CYP2J2: variants seen among roughly 807,000 people sequenced by gnomAD.
CYP2J2 encodes the protein cytochrome P450 family 2 subfamily J member 2.
In CYP2J2, 41 loss-of-function variants were observed where a neutral mutation model predicts 48.8. The ratio of observed to expected loss-of-function variants is 0.84; its 90% confidence interval spans 0.66 to 1.09. CYP2J2 has a LOEUF of 1.09. CYP2J2 is among the 50% of genes least tolerant of loss of function. The pLI, the probability that CYP2J2 is intolerant of heterozygous loss-of-function variation, is 0.00. For missense variants in CYP2J2, 644 were observed against 617.3 expected (o/e 1.04, Z -0.46); for synonymous variants, 221 against 227.1 (o/e 0.97, Z 0.24).
chr1:59,905,966 C>G (rs917271427), intron 6 of CYP2J2, among the ~76,000 whole-genome samples: 1 of 152,196 alleles, frequency 6.6e-6, no homozygotes, highest in African/African-American at 2.4e-5. Flanking sequence ...GCAGGCGGAT[C>G]ACGAGGTCAG....
At chr1:59,969,207 C>CA in the CYP2J2 span, among the ~76,000 whole-genome samples, 1 of 152,144 alleles carries the variant, frequency 6.6e-6, no homozygotes, top group Non-Finnish European at 1.5e-5. Flanking sequence ...GGGATCCGAG[C>CA]GGGTTGCCAC....
rs571512576 is a variant in CYP2J2, at chr1:59,902,661, C to T, written c.1192-1558G>A. 5.9e-5 allele frequency among the ~76,000 whole-genome samples: 9 copies of T among 152,188 alleles called. 1 individual carries two copies. In the South Asian group the frequency reaches 8.3e-4, roughly 14 times the overall value. On this transcript the variant is annotated intron_variant, in intron 7 of 8. Coordinates refer to ENST00000371204, the MANE Select transcript of CYP2J2 (RefSeq NM_000775.4). ...AACTCCTGACCTCAGGTGATCCACCCGCCTCAGCCTCCCAAAGTGCTGAGA... is the reference window on the plus strand; with the variant it reads ...AACTCCTGACCTCAGGTGATCCACCTGCCTCAGCCTCCCAAAGTGCTGAGA...
chr1:59,916,240 TGTGTGA>T, intron 1 of CYP2J2, 140 bp from the exon 2 acceptor site: 1 of 622,072 alleles, frequency 1.6e-6, no homozygotes, highest in Non-Finnish European at 2.7e-6. Flanking sequence ...TGTGTGTGTG[TGTGTGA>T]GTGAGTGTAC....
the CYP2J2 span, among the ~76,000 whole-genome samples, chr1:59,939,043 T>A: frequency 1.3e-5 from 2 of 152,174 alleles, no homozygotes; most frequent in African/African-American, 4.8e-5. Context: ...GGAGCAAAGT[T>A]ACAGATTAAC....
intron 4 of CYP2J2, among the ~76,000 whole-genome samples, chr1:59,910,761 C>T (rs149747105): frequency 1.1e-4 from 16 of 152,260 alleles, no homozygotes; most frequent in African/African-American, 3.9e-4. Flanking sequence ...CTTCTCCCCC[C>T]TCCCCCCAGC....
chr1:59,926,587 CAAGG>C lies in CYP2J2; in HGVS notation c.156_159del (p.Phe52LeufsTer20). 6.2e-7 allele frequency: 1 copy of C among 1,614,196 alleles called. No homozygotes were observed. Among genetic ancestry groups the C allele is most frequent in the Non-Finnish European group, 8.5e-7 (1 of 1,180,030 alleles). ...TCGAAGTCCACAAGGAAGAAGTTGC[CAAGG>C]AAGGGCAGGCGCCAGGGCCCCGGCG... On this transcript the variant is annotated frameshift_variant, in exon 1 of 9. Coordinates refer to ENST00000371204, the MANE Select transcript of CYP2J2 (RefSeq NM_000775.4). LOFTEE classifies it high-confidence loss of function.
intron 6 of CYP2J2, among the ~76,000 whole-genome samples, chr1:59,905,856 C>T (rs1030026344): frequency 6.6e-6 from 1 of 152,194 alleles, no homozygotes; most frequent in African/African-American, 2.4e-5. Flanking sequence ...TCTCTTTTCT[C>T]TTTCTCTAGA....
At chr1:59,926,504 C>G in intron 1 of CYP2J2, 33 bp downstream of exon 1, 2 of 1,577,742 alleles carry the variant, frequency 1.3e-6, no homozygotes, top group South Asian at 2.2e-5. Context: ...GAGTTAGGGT[C>G]AGGACACGCT....
At chr1:59,957,071 C>G in the CYP2J2 span, among the ~76,000 whole-genome samples, 1 of 152,210 alleles carries the variant, frequency 6.6e-6, no homozygotes, top group Non-Finnish European at 1.5e-5. Context: ...CAGAGCCCCC[C>G]ACTTGGGTGC....
chr1:59,898,319 C>T (rs546598698), intron 8 of CYP2J2, among the ~76,000 whole-genome samples: 1 of 152,190 alleles, frequency 6.6e-6, no homozygotes, highest in African/African-American at 2.4e-5. Flanking sequence ...CTCTTTTGAC[C>T]TTATCACCAC....
chr1:59,938,673 C>T, the CYP2J2 span, among the ~76,000 whole-genome samples: 4 of 152,288 alleles, frequency 2.6e-5, no homozygotes, highest in South Asian at 8.3e-4. Flanking sequence ...AAGAGACCTT[C>T]CTCTATCTCA....
At chr1:59,930,378 A>G (rs1644597351), upstream of CYP2J2, among the ~76,000 whole-genome samples, 2 of 152,134 alleles carry the variant, frequency 1.3e-5, no homozygotes, top group South Asian at 4.1e-4. Context: ...AGCTGTGCCC[A>G]AGATTTTCAA....
the CYP2J2 span, among the ~76,000 whole-genome samples, chr1:59,951,739 A>G: frequency 1.6e-4 from 25 of 152,266 alleles, no homozygotes; most frequent in African/African-American, 6.0e-4. Context: ...CATCCTTATT[A>G]GTCACCAAGG....
Position 59,926,591 on chromosome 1 carries a change from G to A in CYP2J2, c.156C>T (p.Phe52=), listed in dbSNP as rs11572192. 7.8e-5 allele frequency: 126 copies of A among 1,614,212 alleles called. No individual in the cohort carries two copies. The African/African-American group carries it at 1.5e-3, about 20-fold the overall frequency. ...NYPPGPWRLP[F]LGNFFLVDFE... is the part of the protein sequence containing the mutation. ...AGTCCACAAGGAAGAAGTTGCCAAG[G>A]AAGGGCAGGCGCCAGGGCCCCGGCG... The change falls in exon 1 of 9, where the codon TTC becomes TTT. Residue 52 remains phenylalanine (F), a synonymous_variant. Coordinates refer to ENST00000371204, the MANE Select transcript of CYP2J2 (RefSeq NM_000775.4).
chr1:59,938,210 G>A, the CYP2J2 span, among the ~76,000 whole-genome samples: 4 of 152,256 alleles, frequency 2.6e-5, no homozygotes, highest in Admixed American at 6.5e-5. Flanking sequence ...CAGGTGGGAC[G>A]AGAGACTGAT....
At chr1:59,921,383 C>G (rs11572217) in intron 1 of CYP2J2, among the ~76,000 whole-genome samples, 40,609 of 151,952 alleles carry the variant, frequency 0.27, 5,908 homozygotes, top group African/African-American at 0.39. Context: ...CCAACAGTGC[C>G]TGATGTGCTT....
chr1:59,968,676 G>A, the CYP2J2 span, among the ~76,000 whole-genome samples: 1 of 152,240 alleles, frequency 6.6e-6, no homozygotes, highest in African/African-American at 2.4e-5. Context: ...GCTGTGGGAG[G>A]GGTGGACATG....
chr1:59,964,981 T>A, the CYP2J2 span, among the ~76,000 whole-genome samples: 8 of 152,286 alleles, frequency 5.3e-5, no homozygotes, highest in Admixed American at 5.2e-4. Flanking sequence ...CAGAATGACA[T>A]ATGAAAGATC....
intron 1 of CYP2J2, among the ~76,000 whole-genome samples, chr1:59,919,035 C>T (rs936752827): frequency 9.2e-5 from 14 of 152,018 alleles, no homozygotes; most frequent in Non-Finnish European, 1.3e-4. Context: ...AGAACAAAGA[C>T]ATGAAAAGAG....
Sources: allele counts gnomAD v4.1 joint callset (sites outside exome capture counted in the v4.1 genomes callset), GRCh38; gene constraint gnomAD v4.1.1; transcripts MANE v1.5; gene names NCBI Gene and HGNC (gene_info 2026-07-23, HGNC 2026-07-21).